RANBP2: variants seen among roughly 807,000 people sequenced by gnomAD.
The protein encoded by RANBP2 is RAN binding protein 2.
Under a neutral mutation model 303.6 loss-of-function variants are expected in RANBP2, and 57 were observed. The observed-to-expected ratio is 0.19, with a 90% CI of 0.15 to 0.23. The LOEUF (loss-of-function observed/expected upper bound fraction) is 0.23. Ranked by LOEUF, RANBP2 falls within the 10% of genes least tolerant of loss-of-function variation. The pLI, the probability that RANBP2 is intolerant of heterozygous loss-of-function variation, is 1.00. For missense variants in RANBP2, 3,138 were observed against 3,780.8 expected, an observed-to-expected ratio of 0.83 and a Z score of 4.46; for synonymous variants, 1,167 against 1,301.5, an observed-to-expected ratio of 0.90 and a Z score of 2.23.
the RANBP2 span, chr2:108,930,927 G>T: frequency 6.2e-7 from 1 of 1,611,272 alleles, no homozygotes; most frequent in Non-Finnish European, 8.5e-7. Context: ...TCATGAGGAT[G>T]AGGGTGCTGT....
the RANBP2 span, among the ~76,000 whole-genome samples, chr2:109,096,263 G>C: frequency 6.6e-6 from 1 of 152,220 alleles, no homozygotes; most frequent in African/African-American, 2.4e-5. Context: ...ATAAGATGGT[G>C]TTTAACTTTC....
chr2:109,088,703 G>T, the RANBP2 span, among the ~76,000 whole-genome samples: 8 of 152,126 alleles, frequency 5.3e-5, no homozygotes, highest in East Asian at 1.2e-3. Flanking sequence ...GAAGAGACGG[G>T]GTTTCACCAT....
chr2:109,608,776 A>C, the RANBP2 span, among the ~76,000 whole-genome samples: 1 of 152,248 alleles, frequency 6.6e-6, no homozygotes, highest in Non-Finnish European at 1.5e-5. Context: ...AATCCTAAAA[A>C]AAAATTAAAT....
chr2:109,092,725 CTCTG>C, the RANBP2 span, among the ~76,000 whole-genome samples: 3 of 152,172 alleles, frequency 2.0e-5, no homozygotes, highest in African/African-American at 7.2e-5. Flanking sequence ...GTTTCTCTCT[CTCTG>C]TCTGTGTAAA....
chr2:109,696,941 C>G, the RANBP2 span, among the ~76,000 whole-genome samples: 1 of 152,114 alleles, frequency 6.6e-6, no homozygotes, highest in Admixed American at 6.6e-5. Flanking sequence ...CCATGCCCAG[C>G]TAATTTTTAA....
chr2:109,335,653 C>A, the RANBP2 span, among the ~76,000 whole-genome samples: 1 of 152,302 alleles, frequency 6.6e-6, no homozygotes, highest in Middle Eastern at 3.4e-3. Flanking sequence ...TTGTTGCTGT[C>A]CCCCTGGCTG....
At chr2:109,393,808 A>T in the RANBP2 span, among the ~76,000 whole-genome samples, 1,573 of 151,856 alleles carry the variant, frequency 0.01, 16 homozygotes, top group Non-Finnish European at 0.014. Context: ...GGCACCTCCC[A>T]CACCACTGCT....
At chr2:108,980,907 C>T in the RANBP2 span, among the ~76,000 whole-genome samples, 1 of 152,112 alleles carries the variant, frequency 6.6e-6, no homozygotes, top group Admixed American at 6.6e-5. Context: ...GCAGGGTCCT[C>T]ATGGTGTTTT....
chr2:108,830,780 C>A, the RANBP2 span, among the ~76,000 whole-genome samples: 2 of 152,018 alleles, frequency 1.3e-5, no homozygotes, highest in African/African-American at 4.8e-5. Context: ...TGCACTCCAG[C>A]CTGGGCAACA....
rs1231061153 is a variant in RANBP2 at position 108,784,162 on chromosome 2, T to C, written c.*261T>C. 7.7e-6 allele frequency: 3 copies of C among 391,724 alleles called. No homozygotes were observed. The highest frequency in any genetic ancestry group is 9.3e-6 in the Non-Finnish European group (2 of 216,006). 24.3% of individuals were successfully genotyped at this position (391,724 alleles called of 1,614,324 possible). ...ACGTATTAAAATGGAATAATACTAA[T>C]CTTGTTAAAAGCAATAGACCTCAAA... On this transcript the variant is annotated 3_prime_UTR_variant, in exon 29 of 29. Transcript: ENST00000283195.
chr2:109,620,251 T>G, the RANBP2 span, among the ~76,000 whole-genome samples: 2 of 152,198 alleles, frequency 1.3e-5, no homozygotes, highest in Non-Finnish European at 2.9e-5. Context: ...ATGTGAATAG[T>G]TTTTTTATAT....
chr2:108,870,831 T>C, the RANBP2 span, among the ~76,000 whole-genome samples: 1 of 152,170 alleles, frequency 6.6e-6, no homozygotes, highest in Non-Finnish European at 1.5e-5. Context: ...ATGGGAAAAT[T>C]AAAGTTATTG....
At chr2:108,794,450 C>T in the RANBP2 span, 1 of 1,147,550 alleles carries the variant, frequency 8.7e-7, no homozygotes, top group Non-Finnish European at 1.2e-6. Context: ...ATATTTTGTA[C>T]TTAAAGCATC....
chr2:109,140,404 G>A, the RANBP2 span, among the ~76,000 whole-genome samples: 2 of 150,614 alleles, frequency 1.3e-5, no homozygotes, highest in African/African-American at 2.4e-5. Context: ...TTTTAGAGAC[G>A]GAGTCTTGCT....
chr2:109,410,007 C>T, the RANBP2 span, among the ~76,000 whole-genome samples: 2 of 152,090 alleles, frequency 1.3e-5, no homozygotes, highest in Non-Finnish European at 2.9e-5. Flanking sequence ...GACTCGGAGC[C>T]CCCGTACAGC....
the RANBP2 span, among the ~76,000 whole-genome samples, chr2:109,481,502 G>C: frequency 2.0e-5 from 3 of 152,268 alleles, no homozygotes; most frequent in South Asian, 6.2e-4. Context: ...GAACCTCCTC[G>C]GCCTGTTATT....
chr2:109,263,966 C>T, the RANBP2 span, among the ~76,000 whole-genome samples: 1 of 152,198 alleles, frequency 6.6e-6, no homozygotes, highest in African/African-American at 2.4e-5. Context: ...GAGTCTCCAT[C>T]TCAAAAAGAA....
chr2:109,108,229 C>CGGG, the RANBP2 span, among the ~76,000 whole-genome samples: 1 of 151,990 alleles, frequency 6.6e-6, no homozygotes, highest in East Asian at 1.9e-4. Context: ...TTAGTAGAGA[C>CGGG]GGGGTTTCAC....
the RANBP2 span, among the ~76,000 whole-genome samples, chr2:109,712,498 C>G: frequency 1.3e-5 from 2 of 152,220 alleles, no homozygotes; most frequent in African/African-American, 4.8e-5. Context: ...ATAGCACGAT[C>G]TCTGCTCACA....
Sources: allele counts gnomAD v4.1 joint callset (sites outside exome capture counted in the v4.1 genomes callset), GRCh38; gene constraint gnomAD v4.1.1; transcripts MANE v1.5; gene names NCBI Gene and HGNC (gene_info 2026-07-23, HGNC 2026-07-21).